DEPTOR: variants seen among roughly 807,000 people sequenced by gnomAD.
DEPTOR encodes the protein DEP domain containing MTOR interacting protein, also known as DEP domain-containing mTOR-interacting protein.
A neutral mutation model predicts 41.6 loss-of-function variants in DEPTOR; 41 were observed. The ratio of observed to expected loss-of-function variants is 0.98; its 90% CI spans 0.77 to 1.28. DEPTOR has a LOEUF of 1.28. DEPTOR is among the 50% of genes most tolerant of loss of function. DEPTOR has a pLI of 0.00. For synonymous variants in DEPTOR, 195 were observed against 192.3 expected (o/e 1.01, Z -0.12); for missense variants, 514 against 527.9 (o/e 0.97, Z 0.26).
intron 8 of DEPTOR, among the ~76,000 whole-genome samples, chr8:120,031,103 G>A (rs1812884521): frequency 6.6e-6 from 1 of 152,152 alleles, no homozygotes; most frequent in Non-Finnish European, 1.5e-5. Context: ...CCCAAGGTGG[G>A]AGGATCACCT....
At chr8:119,999,283 GA>G (rs1030394347) in intron 4 of DEPTOR, among the ~76,000 whole-genome samples, 6 of 148,024 alleles carry the variant, frequency 4.1e-5, no homozygotes, top group African/African-American at 1.5e-4. Flanking sequence ...AAAAAAAAAA[GA>G]AAAAAAAAGG....
Position 119,929,851 on chromosome 8 carries a change from T to C in DEPTOR, c.338T>C (p.Leu113Pro). The part of the protein sequence containing the change: ...DEHKEFKDVK[L>P]FYRFRKDDGT... Reference sequence around the variant, plus strand: ...CATAAGGAATTCAAGGATGTCAAACTCTTCTACCGCTTTAGAAAGGATGAC... The same window carrying C: ...CATAAGGAATTCAAGGATGTCAAACCCTTCTACCGCTTTAGAAAGGATGAC... The change falls in exon 3 of 9, where the codon CTC becomes CCC. Residue 113 changes from leucine to proline, a missense_variant. Transcript: ENST00000286234. The C allele has an allele frequency of 6.2e-7, 1 of 1,613,644 alleles. No individual in the cohort carries two copies. Among genetic ancestry groups the C allele is most frequent in the South Asian group, 1.1e-5 (1 of 90,960 alleles).
In DEPTOR at chr8:119,935,581, C is replaced by T. The variant is rs552205728; in HGVS notation, c.425+5643C>T. Among the ~76,000 whole-genome samples, 18 of 151,978 alleles carry T rather than the reference C, an allele frequency of 1.2e-4. No homozygotes were observed. In the South Asian group the frequency reaches 1.7e-3, roughly 14 times the overall value. On this transcript the variant is annotated intron_variant, in intron 3 of 8. Coordinates refer to ENST00000286234, the MANE Select transcript of DEPTOR (RefSeq NM_022783.4). ...ACTAAAAATACAAAAATTAGCCAGGCGTGGTGGCATGCACCTGTAATCCCA... is the reference window on the plus strand; with the variant it reads ...ACTAAAAATACAAAAATTAGCCAGGTGTGGTGGCATGCACCTGTAATCCCA...
At chr8:120,007,933 T>C (rs1812469582) in intron 7 of DEPTOR, among the ~76,000 whole-genome samples, 1 of 152,230 alleles carries the variant, frequency 6.6e-6, no homozygotes, top group Non-Finnish European at 1.5e-5. Context: ...TCAAGAGAGG[T>C]AGATTGTTAT....
chr8:119,911,361 C>G (rs1348192954), intron 1 of DEPTOR, among the ~76,000 whole-genome samples: 3 of 143,802 alleles, frequency 2.1e-5, no homozygotes, highest in African/African-American at 8.1e-5. Context: ...TCTTGTCACC[C>G]TGGCTGGAGT....
intron 8 of DEPTOR, among the ~76,000 whole-genome samples, chr8:120,013,965 G>A (rs982078042): frequency 8.6e-5 from 13 of 151,610 alleles, no homozygotes. Context: ...TCAGCCTCCC[G>A]AGTAGCTGGG....
intron 8 of DEPTOR, among the ~76,000 whole-genome samples, chr8:120,038,856 G>A (rs752949550): frequency 5.3e-5 from 8 of 152,084 alleles, no homozygotes; most frequent in Admixed American, 2.6e-4. Context: ...CCCCTCAATC[G>A]TGAGATGGAA....
intron 4 of DEPTOR, among the ~76,000 whole-genome samples, chr8:119,986,240 C>T (rs1478282036): frequency 6.6e-6 from 1 of 152,114 alleles, no homozygotes; most frequent in East Asian, 1.9e-4. Context: ...CAAAATCTCT[C>T]AACATTTGCT....
intron 4 of DEPTOR, among the ~76,000 whole-genome samples, chr8:119,968,162 G>C (rs182132406): frequency 4.1e-4 from 63 of 152,218 alleles, no homozygotes; most frequent in African/African-American, 1.5e-3. Flanking sequence ...TAGAAGATGT[G>C]CTATCTATTT....
intron 3 of DEPTOR, among the ~76,000 whole-genome samples, chr8:119,960,839 C>T (rs761696130): frequency 2.6e-5 from 4 of 152,072 alleles, no homozygotes; most frequent in Non-Finnish European, 5.9e-5. Context: ...CAAAAATTAG[C>T]TGGGCTTGGT....
intron 8 of DEPTOR, among the ~76,000 whole-genome samples, chr8:120,015,800 A>G (rs1812600163): frequency 1.3e-5 from 2 of 152,172 alleles, no homozygotes; most frequent in South Asian, 4.1e-4. Context: ...TGATTTGCAC[A>G]GGGCTCAGGG....
At chr8:119,933,008 A>T (rs1828985119) in intron 3 of DEPTOR, among the ~76,000 whole-genome samples, 1 of 152,112 alleles carries the variant, frequency 6.6e-6, no homozygotes, top group Admixed American at 6.6e-5. Context: ...GCCAGTTCAT[A>T]ATAAGGCCCT....
chr8:120,003,070 C>T lies in DEPTOR; in HGVS notation c.884C>T (p.Thr295Ile), dbSNP rs375459250. Residue 295 changes from threonine to isoleucine, a missense_variant, in exon 6 of 9, where the codon ACC becomes ATC. Transcript: ENST00000286234. The part of the protein sequence containing the change: ...GSSGYFSSSP[T>I]LSSSPPVLCN... ...AGCGGCTACTTCAGCAGCAGCCCCACCCTCAGCAGCAGCCCCCCTGTGCTC... is the reference window on the plus strand; with the variant it reads ...AGCGGCTACTTCAGCAGCAGCCCCATCCTCAGCAGCAGCCCCCCTGTGCTC... 2 of 1,613,078 alleles carry T rather than the reference C, an allele frequency of 1.2e-6. No homozygotes were observed. Among genetic ancestry groups the T allele is most frequent in the African/African-American group, 2.7e-5 (2 of 74,832 alleles).
At chr8:119,938,304 T>C (rs774135114) in intron 3 of DEPTOR, among the ~76,000 whole-genome samples, 15 of 152,234 alleles carry the variant, frequency 9.9e-5, no homozygotes, top group Non-Finnish European at 1.9e-4. Flanking sequence ...AAATGGATTA[T>C]ATGAAAGATT....
intron 4 of DEPTOR, among the ~76,000 whole-genome samples, chr8:119,980,451 CTT>C (rs1330183333): frequency 1.9e-5 from 2 of 106,536 alleles, no homozygotes; most frequent in African/African-American, 7.4e-5. Flanking sequence ...TTTCATTTTT[CTT>C]TTTTCTTTTC....
At chr8:119,891,850 A>ACC (rs1177115551) in intron 1 of DEPTOR, among the ~76,000 whole-genome samples, 98 of 152,352 alleles carry the variant, frequency 6.4e-4, no homozygotes, top group African/African-American at 2.3e-3. Flanking sequence ...CTTGAGGAAT[A>ACC]ATTAAGATGC....
chr8:119,900,581 G>A (rs371945936), intron 1 of DEPTOR, among the ~76,000 whole-genome samples: 2 of 151,368 alleles, frequency 1.3e-5, no homozygotes, highest in Non-Finnish European at 2.9e-5. Context: ...GAATGACAAG[G>A]TCTCACTATG....
At chr8:119,879,648 T>C (rs368059072) in intron 1 of DEPTOR, among the ~76,000 whole-genome samples, 11 of 151,922 alleles carry the variant, frequency 7.2e-5, no homozygotes, top group African/African-American at 2.7e-4. Flanking sequence ...GAGGCAGAGG[T>C]TGCAGTGAGC....
chr8:119,991,070 CTTTCTTTCTTTCTTTCTT>C (rs755623861), intron 4 of DEPTOR, among the ~76,000 whole-genome samples: 3,943 of 77,732 alleles, frequency 0.051, 164 homozygotes, highest in Middle Eastern at 0.059. Context: ...TTCTTTCTTT[CTTTCTTTCTTTCTTTCTT>C]TTTCTTTCTT....
Sources: gnomAD v4.1 joint callset for allele counts (sites outside exome capture counted in the v4.1 genomes callset) on GRCh38, gnomAD v4.1.1 for gene constraint, MANE v1.5 for transcripts, NCBI Gene and HGNC (gene_info 2026-07-23, HGNC 2026-07-21) for gene names.